Variants in NSF observed in about 807,000 individuals in gnomAD.
NSF encodes vesicle-fusing ATPase.
A neutral mutation model predicts 50.3 loss-of-function variants in NSF; 14 were observed. The ratio of observed to expected loss-of-function variants is 0.28; its 90% CI spans 0.18 to 0.44. The LOEUF is 0.44. NSF is among the 20% of genes least tolerant of loss of function. The pLI is 1.00. For missense variants in NSF, 218 were observed against 504.3 expected (o/e 0.43, Z 5.44); for synonymous variants, 109 against 175.7 (o/e 0.62, Z 3.00).
intron 17 of NSF, among the ~76,000 whole-genome samples, chr17:46,749,443 A>G (rs1199828967): frequency 6.6e-6 from 1 of 152,122 alleles, no homozygotes; most frequent in Non-Finnish European, 1.5e-5. Context: ...TTCCCACCAT[A>G]CATGTGCCAT....
intron 8 of NSF, among the ~76,000 whole-genome samples, chr17:46,649,470 TTTG>T (rs2058243065): frequency 6.6e-6 from 1 of 152,062 alleles, no homozygotes; most frequent in Non-Finnish European, 1.5e-5. Flanking sequence ...TGGGCGTGAA[TTTG>T]TTTTTAGTCT....
At chr17:46,713,482 A>G (rs115383141) in intron 14 of NSF, 1 of 171,358 alleles carries the variant, frequency 5.8e-6, no homozygotes, top group African/African-American at 2.4e-5. Context: ...AGCTCTTAAG[A>G]TTGTCTTTTT....
At chr17:46,708,431 C>T (rs1455430570) in intron 13 of NSF, among the ~76,000 whole-genome samples, 2 of 150,630 alleles carry the variant, frequency 1.3e-5, no homozygotes, top group Non-Finnish European at 1.5e-5. Flanking sequence ...TTTGTATTTT[C>T]GTAATGATTA....
intron 12 of NSF, among the ~76,000 whole-genome samples, chr17:46,703,694 A>C (rs1244823756): frequency 4.6e-4 from 69 of 151,482 alleles, no homozygotes; most frequent in African/African-American, 1.4e-3. Flanking sequence ...AAAAAAAAAA[A>C]AAAAAAAAAA....
At chr17:46,685,565 A>G (rs1401357280) in intron 9 of NSF, among the ~76,000 whole-genome samples, 3 of 151,736 alleles carry the variant, frequency 2.0e-5, no homozygotes, top group South Asian at 4.2e-4. Flanking sequence ...CTCTGTTTCT[A>G]TGGAGAAAGA....
chr17:46,679,706 A>AG (rs1368444827), intron 9 of NSF, among the ~76,000 whole-genome samples: 1 of 151,614 alleles, frequency 6.6e-6, no homozygotes, highest in Non-Finnish European at 1.5e-5. Flanking sequence ...AAAAAAAAAA[A>AG]GAAGCTAATA....
chr17:46,638,766 C>G (rs2058207087), intron 5 of NSF, among the ~76,000 whole-genome samples: 1 of 121,014 alleles, frequency 8.3e-6, no homozygotes, highest in African/African-American at 3.6e-5. Context: ...CCTCGGCCTC[C>G]CAAAGTGCTG....
intron 17 of NSF, among the ~76,000 whole-genome samples, chr17:46,735,173 A>G (rs183522352): frequency 7.2e-5 from 11 of 152,344 alleles, no homozygotes; most frequent in African/African-American, 2.6e-4. Flanking sequence ...GAGCACATCT[A>G]TAGTAGATAT....
Position 46,714,107 on chromosome 17 carries a change from G to A in NSF, c.1761+121G>A, listed in dbSNP as rs1407313416. 5.8e-6 allele frequency: 6 copies of A among 1,026,766 alleles called. 1 individual carries two copies. Among genetic ancestry groups the A allele is most frequent in the Non-Finnish European group, 8.0e-6 (6 of 746,328 alleles). The allele number at this position is 1,026,766 out of a possible 1,614,324, so 63.6% of individuals were successfully genotyped here. A position where few individuals can be genotyped will look rare whatever the true frequency, so the allele number is the denominator to read the frequency against. ...ATAGCAACTATGTTCTTCTCAAGTGGAACCAAATTATCAGCAGAATATGGG... is the reference window on the plus strand; with the variant it reads ...ATAGCAACTATGTTCTTCTCAAGTGAAACCAAATTATCAGCAGAATATGGG... On this transcript the variant is annotated intron_variant, in intron 15 of 20. Coordinates refer to ENST00000398238, the MANE Select transcript of NSF (RefSeq NM_006178.4).
chr17:46,749,762 C>T lies in NSF; in HGVS notation c.1909-11C>T, dbSNP rs1272128320. ...TATGTACATTTTAACACATTTTCTC[C>T]CTATGATCAGGGCCGCAAGCTTCTT... On this transcript the variant is annotated splice_polypyrimidine_tract_variant and intron_variant, in intron 17 of 20. Transcript: ENST00000398238. 1.9e-6 allele frequency: 3 copies of T among 1,608,852 alleles called. No individual in the cohort carries two copies. Among genetic ancestry groups the T allele is most frequent in the Admixed American group, 1.7e-5 (1 of 59,670 alleles).
At position 46,749,776 on chromosome 17, in the gene NSF, C is replaced by T; in HGVS notation, c.1912C>T (p.Arg638Cys). The change falls in exon 18 of 21, where the codon CGC becomes TGC. Residue 638 changes from arginine to cysteine, a missense_variant. Physicochemically the swap from Arg to Cys is radical, Grantham distance 180. Around this residue, in one of 2 missense-constraint regions of NSF, gnomAD observed 209 missense variants for 320.9 expected, o/e 0.65. Transcript: ENST00000398238. ...VLLKKAPPQGRKLLIIGTTSR... is the reference protein window; with the variant it reads ...VLLKKAPPQGCKLLIIGTTSR... ...CACATTTTCTCCCTATGATCAGGGCCGCAAGCTTCTTATCATTGGGACCAC... is the reference window on the plus strand; with the variant it reads ...CACATTTTCTCCCTATGATCAGGGCTGCAAGCTTCTTATCATTGGGACCAC... 1.9e-6 allele frequency: 3 copies of T among 1,612,846 alleles called. No homozygotes were observed. The highest frequency in any genetic ancestry group is 2.5e-6 in the Non-Finnish European group (3 of 1,179,224).
intron 17 of NSF, among the ~76,000 whole-genome samples, chr17:46,735,105 C>G (rs1164585016): frequency 1.3e-5 from 2 of 152,134 alleles, no homozygotes; most frequent in Non-Finnish European, 2.9e-5. Flanking sequence ...AACATTGCTA[C>G]AGATATCTGC....
At chr17:46,726,652 A>C in intron 16 of NSF, 37 bp downstream of exon 16, 1 of 1,546,932 alleles carries the variant, frequency 6.5e-7, no homozygotes, top group South Asian at 1.1e-5. Context: ...TATCTTTGCC[A>C]CATTACAGCT....
In NSF at chr17:46,655,945, T is replaced by C. The variant is rs1164368876; in HGVS notation, c.745+12686T>C. ...AAAAAAAAGGAATGGGTTGAACTTA[T>C]AATATTTTAGCAACTCATAAAATAA... is the stretch of plus-strand genomic sequence containing the variant. On this transcript the variant is annotated intron_variant, in intron 8 of 20. Transcript: ENST00000398238. Among the ~76,000 whole-genome samples the C allele has an allele frequency of 1.9e-5, 2 of 103,156 alleles. 1 individual carries two copies. Among genetic ancestry groups the C allele is most frequent in the Non-Finnish European group, 3.7e-5 (2 of 54,428 alleles). 67.7% of individuals were successfully genotyped at this position (103,156 alleles called of 152,430 possible).
Position 46,708,491 on chromosome 17 carries a change from C to CT in NSF, c.1471-2452dup, listed in dbSNP as rs140361958. Among the ~76,000 whole-genome samples, 1,098 of 124,840 alleles carry CT rather than the reference C, an allele frequency of 8.8e-3. 15 individuals carry two copies. Among genetic ancestry groups the CT allele is most frequent in the Non-Finnish European group, 0.01 (638 of 61,346 alleles). 81.9% of individuals were successfully genotyped at this position (124,840 alleles called of 152,430 possible). ...GCTTATCAACCATTTGTTACATATC[C>CT]TTTTTTTTTTTTTTTTTTTTGAGAC... On this transcript the variant is annotated intron_variant, in intron 13 of 20. Transcript: ENST00000398238.
chr17:46,754,525 G>A (rs1199457025), intron 19 of NSF, among the ~76,000 whole-genome samples: 1 of 151,954 alleles, frequency 6.6e-6, no homozygotes, highest in Non-Finnish European at 1.5e-5. Context: ...TCATCTTCAG[G>A]AACTAAAGAT....
intron 19 of NSF, among the ~76,000 whole-genome samples, chr17:46,753,224 G>A (rs2059200944): frequency 6.6e-6 from 1 of 152,218 alleles, no homozygotes; most frequent in African/African-American, 2.4e-5. Flanking sequence ...GTTACTTACT[G>A]ATGGTCCTGC....
chr17:46,642,262 C>T (rs2058220791), intron 7 of NSF, among the ~76,000 whole-genome samples: 1 of 110,240 alleles, frequency 9.1e-6, no homozygotes, highest in South Asian at 2.6e-4. Flanking sequence ...TACATGTATA[C>T]ATTGTAGAAT....
intron 17 of NSF, among the ~76,000 whole-genome samples, chr17:46,730,889 C>T (rs2058941957): frequency 6.6e-6 from 1 of 152,124 alleles, no homozygotes; most frequent in African/African-American, 2.4e-5. Flanking sequence ...GCTAGAATGG[C>T]TATCATCAAA....
Sources: allele counts gnomAD v4.1 joint callset (sites outside exome capture counted in the v4.1 genomes callset), GRCh38; gene constraint gnomAD v4.1.1; regional missense constraint gnomAD v4.1.1; transcripts MANE v1.5; gene names NCBI Gene and HGNC (gene_info 2026-07-23, HGNC 2026-07-21).